Variants in ACAD10 observed in about 807,000 individuals in gnomAD.
The protein encoded by ACAD10 is acyl-CoA dehydrogenase family member 10.
ACAD10 carries 112 observed loss-of-function variants against 116.8 expected under a neutral mutation model. The ratio of observed to expected loss-of-function variants is 0.96; its 90% CI spans 0.82 to 1.12. ACAD10 has a LOEUF of 1.12. Ranked by LOEUF, ACAD10 falls within the 50% of genes most tolerant of loss-of-function variation. The probability of loss-of-function intolerance (pLI) is 0.00; values close to 1 mark genes in which losing one functional copy is unlikely to be tolerated. For synonymous variants in ACAD10, 486 were observed against 510.6 expected (o/e 0.95, Z 0.65); for missense variants, 1,259 against 1,350.2 (o/e 0.93, Z 1.06).
chr12:111,697,465 A>G (rs1051834840), intron 2 of ACAD10, among the ~76,000 whole-genome samples: 5 of 150,768 alleles, frequency 3.3e-5, no homozygotes, highest in Admixed American at 2.6e-4. Flanking sequence ...GGTTCAAGCA[A>G]TTCTCGTGCC....
intron 6 of ACAD10, 179 bp from the exon 7 acceptor site, chr12:111,715,642 G>A (rs1162659512): frequency 2.0e-5 from 14 of 699,776 alleles, no homozygotes; most frequent in Admixed American, 2.9e-5. Context: ...CTGAGTTGGC[G>A]GAGTGTAGAC....
intron 10 of ACAD10, among the ~76,000 whole-genome samples, chr12:111,733,112 G>A (rs1306269624): frequency 6.6e-6 from 1 of 151,926 alleles, no homozygotes; most frequent in African/African-American, 2.4e-5. Context: ...TTTTGAGACA[G>A]GATCTTGCAC....
chr12:111,711,463 C>T (rs796793214), intron 5 of ACAD10, among the ~76,000 whole-genome samples: 18 of 152,114 alleles, frequency 1.2e-4, no homozygotes, highest in African/African-American at 4.3e-4. Flanking sequence ...CCTGCCTCGG[C>T]CTCCCAAAGT....
rs1159524304 is a variant in ACAD10, at chr12:111,721,677, GA to G, written c.1002del (p.Ala335ProfsTer28). 2 of 1,603,280 alleles carry G rather than the reference GA, an allele frequency of 1.2e-6. No homozygotes were observed. Among genetic ancestry groups the G allele is most frequent in the African/African-American group, 2.7e-5 (2 of 74,802 alleles). ...HAIEREFRIM[K>X]ALANAGVPVP... is the part of the protein sequence containing the mutation. ...TTTTCATTTGTCCTTGCAGGATTAT[GA>G]AAGCCCTTGCAAATGCTGGAGTACC... On this transcript the variant is annotated frameshift_variant, in exon 8 of 21. Coordinates refer to ENST00000313698, the MANE Select transcript of ACAD10 (RefSeq NM_025247.6). LOFTEE classifies it high-confidence loss of function.
In ACAD10 at chr12:111,723,116, C is replaced by T. The variant is rs112785661; in HGVS notation, c.1061+1377C>T. Among the ~76,000 whole-genome samples the T allele has an allele frequency of 8.1e-4, 120 of 147,416 alleles. 1 individual carries two copies. Among genetic ancestry groups the T allele is most frequent in the African/African-American group, 2.6e-3 (106 of 40,140 alleles). On this transcript the variant is annotated intron_variant, in intron 8 of 20. Transcript: ENST00000313698. ...CCGGGCAGAGGCGCCCCTCACCTCC[C>T]AGACGGGGCGGCTAGCCGGGCGGGG...
chr12:111,727,941 C>T (rs776764785), intron 8 of ACAD10, 21 bp from the exon 9 acceptor site: 4 of 1,593,308 alleles, frequency 2.5e-6, no homozygotes, highest in Non-Finnish European at 3.4e-6. Context: ...ATCCCTGAAA[C>T]CCCTTCTGTG....
intron 2 of ACAD10, among the ~76,000 whole-genome samples, chr12:111,701,522 A>G (rs1000606652): frequency 1.3e-5 from 2 of 152,158 alleles, no homozygotes; most frequent in African/African-American, 4.8e-5. Context: ...GAAATTAGCC[A>G]GGCTTGGTGG....
intron 7 of ACAD10, among the ~76,000 whole-genome samples, chr12:111,720,792 A>T (rs148305460): frequency 0.037 from 5,576 of 149,666 alleles, 140 homozygotes; most frequent in South Asian, 0.056. Flanking sequence ...ATTTTATTTT[A>T]TTTTTTTTTG....
chr12:111,749,566 G>T, intron 18 of ACAD10: 2 of 590,310 alleles, frequency 3.4e-6, no homozygotes, highest in Non-Finnish European at 5.8e-6. Flanking sequence ...TGACCTGAAG[G>T]GAAACGCCAG....
At chr12:111,687,084 A>G (rs1438716512) in intron 1 of ACAD10, among the ~76,000 whole-genome samples, 2 of 152,178 alleles carry the variant, frequency 1.3e-5, no homozygotes, top group Admixed American at 6.5e-5. Flanking sequence ...TACTGACACA[A>G]TCAATGCATA....
intron 16 of ACAD10, chr12:111,747,642 A>C: frequency 7.8e-7 from 1 of 1,279,746 alleles, no homozygotes; most frequent in Non-Finnish European, 1.0e-6. Flanking sequence ...TGCACATGTG[A>C]CCCCAGGAAT....
At chr12:111,697,639 C>T (rs539831488) in intron 2 of ACAD10, among the ~76,000 whole-genome samples, 2 of 143,890 alleles carry the variant, frequency 1.4e-5, no homozygotes, top group South Asian at 2.2e-4. Flanking sequence ...GGTTGGAGTA[C>T]AGTGATGCTA....
chr12:111,710,656 G>A (rs138905723), intron 5 of ACAD10, among the ~76,000 whole-genome samples: 8 of 151,656 alleles, frequency 5.3e-5, no homozygotes, highest in African/African-American at 1.9e-4. Flanking sequence ...CACCATGCCC[G>A]GTTAATTTTT....
At chr12:111,747,823 C>T in intron 16 of ACAD10, 2 of 941,876 alleles carry the variant, frequency 2.1e-6, no homozygotes, top group Non-Finnish European at 1.3e-6. Context: ...GAGCTTACCT[C>T]CCGGAGCCCA....
chr12:111,698,948 C>T (rs551097719), intron 2 of ACAD10, among the ~76,000 whole-genome samples: 6 of 151,954 alleles, frequency 3.9e-5, no homozygotes, highest in Admixed American at 6.6e-5. Flanking sequence ...GGAGTGACCT[C>T]GGCTCACTGC....
At chr12:111,687,892 C>A (rs192813044) in intron 1 of ACAD10, among the ~76,000 whole-genome samples, 1 of 150,946 alleles carries the variant, frequency 6.6e-6, no homozygotes, top group African/African-American at 2.4e-5. Flanking sequence ...TATTTTGAGA[C>A]GGAGTCTCAC....
At chr12:111,706,200 C>T (rs1193263636) in intron 4 of ACAD10, among the ~76,000 whole-genome samples, 1 of 152,226 alleles carries the variant, frequency 6.6e-6, no homozygotes, top group Non-Finnish European at 1.5e-5. Flanking sequence ...TCATATAACA[C>T]AAGCATCTCT....
intron 2 of ACAD10, among the ~76,000 whole-genome samples, chr12:111,699,772 T>G (rs1440571963): frequency 6.6e-6 from 1 of 151,684 alleles, no homozygotes; most frequent in East Asian, 2.0e-4. Flanking sequence ...ATAAAAAAAT[T>G]AGCTGGGCAT....
chr12:111,750,888 A>C (rs1786206787), intron 18 of ACAD10, among the ~76,000 whole-genome samples: 1 of 152,200 alleles, frequency 6.6e-6, no homozygotes, highest in African/African-American at 2.4e-5. Flanking sequence ...TGAATTTTTT[A>C]TTACCGAGCA....
Sources: allele counts gnomAD v4.1 joint callset (sites outside exome capture counted in the v4.1 genomes callset), GRCh38; gene constraint gnomAD v4.1.1; transcripts MANE v1.5; gene names NCBI Gene and HGNC (gene_info 2026-07-23, HGNC 2026-07-21).